The following TFAM variants were observed in gnomAD, a reference collection of about 807,000 sequenced individuals.
TFAM encodes transcription factor A, mitochondrial, also known as mitochondrial transcription factor 1.
A neutral mutation model predicts 30.6 loss-of-function variants in TFAM; 13 were observed. That is an observed-to-expected ratio of 0.42 (90% CI 0.28 to 0.67). The LOEUF (loss-of-function observed/expected upper bound fraction) is 0.67, where lower values mean the gene tolerates loss of function less well. Among genes scored for constraint, TFAM ranks in the 30% least tolerant of loss-of-function variants. TFAM has a pLI of 0.21. For missense variants in TFAM, 231 were observed against 293.7 expected (o/e 0.79, Z 1.56); for synonymous variants, 106 against 94.8 (o/e 1.12, Z -0.69).
Position 58,395,675 on chromosome 10 carries a change from A to T in TFAM, c.*601A>T, listed in dbSNP as rs936842297. ...CTTTTTTCTAAAGTAAAAACAAAGAAATTATGTGCCAGATTTATGCATATT... is the reference window on the plus strand; with the variant it reads ...CTTTTTTCTAAAGTAAAAACAAAGATATTATGTGCCAGATTTATGCATATT... On this transcript the variant is annotated 3_prime_UTR_variant, in exon 7 of 7. Transcript: ENST00000487519. 6.8e-6 allele frequency: 2 copies of T among 294,830 alleles called. No homozygotes were observed. The highest frequency in any genetic ancestry group is 1.2e-5 in the Non-Finnish European group (2 of 161,614). 18.3% of individuals were successfully genotyped at this position (294,830 alleles called of 1,614,324 possible).
At chr10:58,390,519 A>G (rs944390317) in intron 4 of TFAM, among the ~76,000 whole-genome samples, 1 of 152,198 alleles carries the variant, frequency 6.6e-6, no homozygotes. Context: ...CATGGAGACT[A>G]TGAGAATAAT....
chr10:58,389,974 CAA>C (rs1840561234), intron 4 of TFAM, among the ~76,000 whole-genome samples: 1 of 152,202 alleles, frequency 6.6e-6, no homozygotes, highest in South Asian at 2.1e-4. Context: ...GCTCTAGAAA[CAA>C]AGAGGGAAAT....
At chr10:58,392,479 T>A (rs1321065589) in intron 5 of TFAM, among the ~76,000 whole-genome samples, 1 of 152,104 alleles carries the variant, frequency 6.6e-6, no homozygotes, top group African/African-American at 2.4e-5. Context: ...CCGTACTGTT[T>A]TCCTTTAGTC....
In TFAM at chr10:58,385,637, C is replaced by T. The variant is rs1320443106; in HGVS notation, c.90C>T (p.Arg30=). 2 of 1,557,040 alleles carry T rather than the reference C, an allele frequency of 1.3e-6. No homozygotes were observed. The highest frequency in any genetic ancestry group is 3.9e-5 in the Admixed American group (2 of 51,878). Residue 30 remains arginine, a synonymous_variant, in exon 1 of 7, where the codon CGC becomes CGT. Coordinates refer to ENST00000487519, the MANE Select transcript of TFAM (RefSeq NM_003201.3). Reference sequence around the variant, plus strand: ...GCACCGGCTGTGGAAGTCGACTGCGCTCCCCCTTCAGGTAGGCCCGCTTGC... The same window carrying T: ...GCACCGGCTGTGGAAGTCGACTGCGTTCCCCCTTCAGGTAGGCCCGCTTGC... ...ELCTGCGSRL[R]SPFSFVYLPR...
chr10:58,393,195 G>A (rs1243017017), intron 5 of TFAM, among the ~76,000 whole-genome samples: 1 of 151,922 alleles, frequency 6.6e-6, no homozygotes, highest in Non-Finnish European at 1.5e-5. Context: ...TGGCCAGGCT[G>A]GTCTCGAACT....
At chr10:58,386,095 T>G in intron 1 of TFAM, 125 bp from the exon 2 acceptor site, 1 of 798,634 alleles carries the variant, frequency 1.3e-6, no homozygotes, top group Non-Finnish European at 2.3e-6. Flanking sequence ...TCTAGCATTC[T>G]TGTTGAAGGC....
intron 5 of TFAM, 143 bp from the exon 6 acceptor site, chr10:58,394,215 G>A (rs760534178): frequency 8.7e-6 from 6 of 693,558 alleles, no homozygotes; most frequent in South Asian, 1.6e-5. Context: ...CAGTTTGATA[G>A]TTTTTGTTTA....
At chr10:58,394,729 C>T (rs1293775574) in intron 6 of TFAM, among the ~76,000 whole-genome samples, 199 bp from the exon 7 acceptor site, 1 of 152,046 alleles carries the variant, frequency 6.6e-6, no homozygotes, top group Non-Finnish European at 1.5e-5. Context: ...AAAGAGATAA[C>T]AGTCTATCTC....
Position 58,397,601 on chromosome 10 carries a change from C to G in TFAM, c.*2527C>G, listed in dbSNP as rs566998267. 1 of 152,182 alleles carries G rather than the reference C, an allele frequency of 6.6e-6. No individual in the cohort carries two copies. The highest frequency in any genetic ancestry group is 1.9e-4 in the East Asian group (1 of 5,178). The allele number at this position is 152,182 out of a possible 1,614,324, so 9.4% of individuals were successfully genotyped here. A position where few individuals can be genotyped will look rare whatever the true frequency, so the allele number is the denominator to read the frequency against. On this transcript the variant is annotated 3_prime_UTR_variant, in exon 7 of 7. Coordinates refer to ENST00000487519, the MANE Select transcript of TFAM (RefSeq NM_003201.3). ...TTTCCCCCGACATCCAGAATACACA[C>G]TGGATCCAAGCCTTTCTTAAACATC...
chr10:58,398,300 G>A lies in TFAM; in HGVS notation c.*3226G>A, dbSNP rs1840726170. On this transcript the variant is annotated 3_prime_UTR_variant, in exon 7 of 7. Coordinates refer to ENST00000487519, the MANE Select transcript of TFAM (RefSeq NM_003201.3). The stretch of plus-strand genomic sequence containing the variant: ...GGAGCTGAGTGTTAGAAGGAAAGAT[G>A]CTGAAGAAATGAAATCAAGCAGGGT... 6.6e-6 allele frequency: 1 copy of A among 152,228 alleles called. No homozygotes were observed. The highest frequency in any genetic ancestry group is 1.5e-5 in the Non-Finnish European group (1 of 68,042). The allele number at this position is 152,228 out of a possible 1,614,324, so 9.4% of individuals were successfully genotyped here. A position where few individuals can be genotyped will look rare whatever the true frequency, so the allele number is the denominator to read the frequency against.
rs2306604 is a variant in TFAM, at chr10:58,388,932, A to G, written c.441+113A>G. 0.46 allele frequency: 446,858 copies of G among 974,548 alleles called. 106,179 individuals are homozygous for G. The highest frequency in any genetic ancestry group is 0.78 in the African/African-American group (47,888 of 61,128). The allele number at this position is 974,548 out of a possible 1,614,324, so 60.4% of individuals were successfully genotyped here. The stretch of plus-strand genomic sequence containing the variant: ...AATAAAATATGGTAGAATGTCATCA[A>G]GTATTCTTCAGTTAGGCAGAAGTGG... On this transcript the variant is annotated intron_variant, in intron 4 of 6. Transcript: ENST00000487519.
intron 2 of TFAM, 84 bp from the exon 3 acceptor site, chr10:58,388,106 G>A: frequency 9.7e-7 from 1 of 1,030,008 alleles, no homozygotes; most frequent in African/African-American, 1.6e-5. Flanking sequence ...GTGTGGTATG[G>A]ATTGTGCTTT....
At chr10:58,385,937 G>T (rs1339317869) in intron 1 of TFAM, among the ~76,000 whole-genome samples, 3 of 152,098 alleles carry the variant, frequency 2.0e-5, no homozygotes, top group African/African-American at 7.2e-5. Context: ...CCGAGTCTCC[G>T]GCCATCATCT....
chr10:58,386,094 C>A, intron 1 of TFAM, 126 bp from the exon 2 acceptor site: 1 of 797,132 alleles, frequency 1.3e-6, no homozygotes, highest in Non-Finnish European at 2.3e-6. Flanking sequence ...CTCTAGCATT[C>A]TTGTTGAAGG....
rs1421246192 is a variant in TFAM, at chr10:58,395,059, T to C, written c.726T>C (p.Gly242=). Residue 242 remains glycine, a synonymous_variant, in exon 7 of 7, where the codon GGT becomes GGC. Coordinates refer to ENST00000487519, the MANE Select transcript of TFAM (RefSeq NM_003201.3). ...RRTIKKQRKY[G]AEEC is the part of the protein sequence containing the mutation. ...CAATAAAGAAACAACGAAAATATGGTGCTGAGGAGTGTTAAAAGTAGAAGA... is the reference window on the plus strand; with the variant it reads ...CAATAAAGAAACAACGAAAATATGGCGCTGAGGAGTGTTAAAAGTAGAAGA... 2 of 1,613,448 alleles carry C rather than the reference T, an allele frequency of 1.2e-6. No homozygotes were observed.
chr10:58,390,397 GT>G (rs1416619728), intron 4 of TFAM, among the ~76,000 whole-genome samples: 1 of 152,168 alleles, frequency 6.6e-6, no homozygotes, highest in Non-Finnish European at 1.5e-5. Flanking sequence ...TTGGGTTGTG[GT>G]GGAAGCATGC....
intron 6 of TFAM, among the ~76,000 whole-genome samples, 199 bp from the exon 7 acceptor site, chr10:58,394,727 AAC>A (rs535640390): frequency 3.4e-4 from 52 of 152,300 alleles, no homozygotes; most frequent in South Asian, 2.9e-3. Flanking sequence ...TCAAAGAGAT[AAC>A]AGTCTATCTC....
rs1325726688 is a variant in TFAM, at chr10:58,395,066, G to A, written c.733G>A (p.Glu245Lys). Residue 245 changes from glutamate (E) to lysine (K), a missense_variant, in exon 7 of 7, where the codon GAG (glutamate) becomes AAG (lysine). Physicochemically the swap from Glu to Lys is moderately conservative, Grantham distance 56. Transcript: ENST00000487519. ...IKKQRKYGAE[E>K]C is the part of the protein sequence containing the mutation. ...GAAACAACGAAAATATGGTGCTGAG[G>A]AGTGTTAAAAGTAGAAGATTGAGAT... 6.2e-7 allele frequency: 1 copy of A among 1,613,312 alleles called. No homozygotes were observed. Among genetic ancestry groups the A allele is most frequent in the East Asian group, 2.2e-5 (1 of 44,810 alleles).
In TFAM at chr10:58,389,163, G is replaced by T. The variant is rs115867083; in HGVS notation, c.441+344G>T. 4.4e-3 allele frequency among the ~76,000 whole-genome samples: 670 copies of T among 152,280 alleles called. 7 individuals are homozygous for T. The highest frequency in any genetic ancestry group is 0.015 in the African/African-American group (636 of 41,550). On this transcript the variant is annotated intron_variant, in intron 4 of 6. Coordinates refer to ENST00000487519, the MANE Select transcript of TFAM (RefSeq NM_003201.3). ...GCTTCTGAGTCTTCTTTAGAATAAC[G>T]TATTAATTTGAATTATTCTATAGAT...
Sources: allele counts gnomAD v4.1 joint callset (sites outside exome capture counted in the v4.1 genomes callset), GRCh38; gene constraint gnomAD v4.1.1; transcripts MANE v1.5; gene names NCBI Gene and HGNC (gene_info 2026-07-23, HGNC 2026-07-21).